The following SLC5A10 variants were observed in gnomAD, a reference collection of about 807,000 sequenced individuals.
The protein encoded by SLC5A10 is sodium/mannose cotransporter SLC5A10.
In SLC5A10, 55 loss-of-function variants were observed where a neutral mutation model predicts 68.9. The ratio of observed to expected loss-of-function variants is 0.80; its 90% CI spans 0.64 to 1.00. SLC5A10 has a LOEUF of 1.00. Ranked by LOEUF, SLC5A10 falls within the 50% of genes least tolerant of loss-of-function variation. The pLI, the probability that SLC5A10 is intolerant of heterozygous loss-of-function variation, is 0.00. For synonymous variants in SLC5A10, 344 were observed against 344.8 expected, an observed-to-expected ratio of 1.00 and a Z score of 0.02; for missense variants, 732 against 819.3, an observed-to-expected ratio of 0.89 and a Z score of 1.30.
rs2044224511 is a variant in SLC5A10 at position 19,019,812 on chromosome 17, CGG to C, written c.1511_1512del (p.Arg504ProfsTer40). 1 of 1,613,256 alleles carries C rather than the reference CGG, an allele frequency of 6.2e-7. No homozygotes were observed. The highest frequency in any genetic ancestry group is 8.5e-7 in the Non-Finnish European group (1 of 1,179,862). On this transcript the variant is annotated frameshift_variant, in exon 13 of 15. Transcript: ENST00000395645. LOFTEE classifies it high-confidence loss of function. Reference sequence around the variant, plus strand: ...CCCACCGTGCGGAGAGCCAGACACGCGGCCAGCCGTCCTGGGGAGCATCCACT... The same window carrying C: ...CCCACCGTGCGGAGAGCCAGACACGCCCAGCCGTCCTGGGGAGCATCCACT... ...PAPPCGEPDT[R>X]PAVLGSIHYL...
intron 9 of SLC5A10, among the ~76,000 whole-genome samples, chr17:18,985,960 A>G (rs1179534035): frequency 6.6e-6 from 1 of 152,242 alleles, no homozygotes; most frequent in Non-Finnish European, 1.5e-5. Flanking sequence ...AACTTTCCTC[A>G]GCACACACAG....
chr17:19,004,180 G>C lies in SLC5A10; in HGVS notation c.983-9230G>C. The C allele has an allele frequency of 1.6e-6, 1 of 617,462 alleles. No individual in the cohort carries two copies. Among genetic ancestry groups the C allele is most frequent in the Non-Finnish European group, 2.4e-6 (1 of 419,628 alleles). 38.2% of individuals were successfully genotyped at this position (617,462 alleles called of 1,614,324 possible). ...CTGCCCATGAGCAATCTGCGGGAAA[G>C]ACCTGATGAGCCCGGCTCGGCGGGG... On this transcript the variant is annotated intron_variant, in intron 9 of 14. Coordinates refer to ENST00000395645, the MANE Select transcript of SLC5A10 (RefSeq NM_001042450.4). This position sits in a 1 kb window ranked among gnomAD's most constrained non-coding sequence, Gnocchi z 5.4.
At chr17:18,998,261 T>A (rs1196364473) in intron 9 of SLC5A10, among the ~76,000 whole-genome samples, 3 of 152,386 alleles carry the variant, frequency 2.0e-5, no homozygotes, top group African/African-American at 4.8e-5. Flanking sequence ...TGCTTTTGGA[T>A]GCTCCTGTCT....
intron 7 of SLC5A10, 81 bp from the exon 8 acceptor site, chr17:18,970,932 T>G: frequency 5.8e-6 from 8 of 1,368,130 alleles, no homozygotes; most frequent in Non-Finnish European, 7.2e-6. Flanking sequence ...AAGTTTCTTG[T>G]GAGATGAAGG....
At chr17:19,019,623 C>T (rs376043863) in intron 12 of SLC5A10, 32 bp downstream of exon 12, 66 of 1,605,966 alleles carry the variant, frequency 4.1e-5, no homozygotes, top group Admixed American at 2.3e-4. Flanking sequence ...TCCCTGGGGA[C>T]GTGCCACAAT....
chr17:19,019,305 G>T, intron 11 of SLC5A10, 118 bp from the exon 12 acceptor site: 2 of 1,280,830 alleles, frequency 1.6e-6, no homozygotes, highest in Non-Finnish European at 2.1e-6. Flanking sequence ...CCAGGGAGGA[G>T]GCTGGAGCTG....
intron 9 of SLC5A10, among the ~76,000 whole-genome samples, chr17:19,002,466 C>T (rs1285877129): frequency 6.6e-6 from 1 of 152,232 alleles, no homozygotes; most frequent in East Asian, 1.9e-4. Flanking sequence ...GGATGGTCCC[C>T]GAAGCCAGCA....
At position 19,020,363 on chromosome 17, in the gene SLC5A10, C is replaced by T. The variant is rs149655640; in HGVS notation, c.1723C>T (p.Arg575Cys). 9 of 1,614,156 alleles carry T rather than the reference C, an allele frequency of 5.6e-6. No individual in the cohort carries two copies. The highest frequency in any genetic ancestry group is 2.2e-5 in the East Asian group (1 of 44,876). Residue 575 changes from arginine to cysteine, a missense_variant, in exon 15 of 15, where the codon CGT becomes TGT. Physicochemically the swap from Arg to Cys is radical, Grantham distance 180. Transcript: ENST00000395645. ...QTPQKHAFWA[R>C]VCGFNAILLM... ...ACCCCAGAAACACGCCTTCTGGGCCCGTGTCTGTGGCTTCAATGCCATCCT... is the reference window on the plus strand; with the variant it reads ...ACCCCAGAAACACGCCTTCTGGGCCTGTGTCTGTGGCTTCAATGCCATCCT...
chr17:18,966,600 A>C (rs2042712934), intron 5 of SLC5A10, among the ~76,000 whole-genome samples: 1 of 151,950 alleles, frequency 6.6e-6, no homozygotes, highest in Non-Finnish European at 1.5e-5. Flanking sequence ...CATGTACAAA[A>C]TTAGCCGGGC....
chr17:18,995,341 C>T (rs759807426), intron 9 of SLC5A10, among the ~76,000 whole-genome samples: 12 of 151,724 alleles, frequency 7.9e-5, no homozygotes, highest in Non-Finnish European at 1.6e-4. Context: ...ACATTTAAGA[C>T]GAAAAATATA....
At position 18,971,647 on chromosome 17, in the gene SLC5A10, C is replaced by T; in HGVS notation, c.846+429C>T. On this transcript the variant is annotated intron_variant, in intron 8 of 14. Transcript: ENST00000395645. The surrounding 1 kb of genome is among the most constrained non-coding windows in gnomAD (Gnocchi z 5.5). Reference sequence around the variant, plus strand: ...CTGGGCCAGCGTTTCTGGTAGAGCTCTGGACGCTGTCAGCAGCAGAGCGGT... The same window carrying T: ...CTGGGCCAGCGTTTCTGGTAGAGCTTTGGACGCTGTCAGCAGCAGAGCGGT... The T allele has an allele frequency of 6.2e-7, 1 of 1,613,418 alleles. No individual in the cohort carries two copies. The highest frequency in any genetic ancestry group is 8.5e-7 in the Non-Finnish European group (1 of 1,179,940).
rs190449833 is a variant in SLC5A10, at chr17:18,981,874, C to T, written c.982+4885C>T. Among the ~76,000 whole-genome samples the T allele has an allele frequency of 1.7e-3, 264 of 152,290 alleles. 1 individual carries two copies. Among genetic ancestry groups the T allele is most frequent in the African/African-American group, 6.0e-3 (251 of 41,564 alleles). ...GTGACTTTGTACCCAACATGGAGCACGCTCGGGGTTGAGAAGTCGGACAAA... is the reference window on the plus strand; with the variant it reads ...GTGACTTTGTACCCAACATGGAGCATGCTCGGGGTTGAGAAGTCGGACAAA... On this transcript the variant is annotated intron_variant, in intron 9 of 14. Transcript: ENST00000395645.
rs1342040634 is a variant in SLC5A10 at position 19,003,984 on chromosome 17, C to T, written c.983-9426C>T. On this transcript the variant is annotated intron_variant, in intron 9 of 14. Transcript: ENST00000395645. This position sits in a 1 kb window ranked among gnomAD's most constrained non-coding sequence, Gnocchi z 4.5. ...CTGTAGAAGAACTCAGGCTTGGACT[C>T]GCTGGAGCGCCAGTTCACATGGTTG... is the stretch of plus-strand genomic sequence containing the variant. The T allele has an allele frequency of 6.2e-7, 1 of 1,612,236 alleles. No homozygotes were observed. The highest frequency in any genetic ancestry group is 2.2e-5 in the East Asian group (1 of 44,856).
rs994987012 is a variant in SLC5A10, at chr17:18,971,522, A to G, written c.846+304A>G. 2 of 1,613,968 alleles carry G rather than the reference A, an allele frequency of 1.2e-6. No homozygotes were observed. Among genetic ancestry groups the G allele is most frequent in the Non-Finnish European group, 1.7e-6 (2 of 1,180,012 alleles). ...CTCCTCGGTGGCCCTGCCATCGGTCATGGGGCGGGCATTTTGGGCCAGTCT... is the reference window on the plus strand; with the variant it reads ...CTCCTCGGTGGCCCTGCCATCGGTCGTGGGGCGGGCATTTTGGGCCAGTCT... On this transcript the variant is annotated intron_variant, in intron 8 of 14. Transcript: ENST00000395645. The surrounding 1 kb of genome is among the most constrained non-coding windows in gnomAD (Gnocchi z 5.5).
chr17:19,022,461 T>C lies in SLC5A10; in HGVS notation c.*2030T>C, dbSNP rs977026037. The C allele has an allele frequency of 3.3e-6, 1 of 305,974 alleles. No individual in the cohort carries two copies. The highest frequency in any genetic ancestry group is 2.1e-5 in the African/African-American group (1 of 46,642). 19.0% of individuals were successfully genotyped at this position (305,974 alleles called of 1,614,324 possible). On this transcript the variant is annotated 3_prime_UTR_variant, in exon 15 of 15. Transcript: ENST00000395645. ...GTGGGATTTTGGTTAGGTCCCTGCTTCTCTTGGGATCTTATTTACCCGACT... is the reference window on the plus strand; with the variant it reads ...GTGGGATTTTGGTTAGGTCCCTGCTCCTCTTGGGATCTTATTTACCCGACT...
chr17:19,017,774 C>T lies in SLC5A10; in HGVS notation c.1242-1649C>T, dbSNP rs746782147. The T allele has an allele frequency of 9.5e-5, 18 of 189,684 alleles. No homozygotes were observed. Among genetic ancestry groups the T allele is most frequent in the Non-Finnish European group, 1.9e-4 (17 of 91,292 alleles). The allele number at this position is 189,684 out of a possible 1,614,324, so 11.8% of individuals were successfully genotyped here. On this transcript the variant is annotated intron_variant, in intron 11 of 14. Transcript: ENST00000395645. The surrounding 1 kb of genome is among the most constrained non-coding windows in gnomAD (Gnocchi z 5.6). ...AGACACCCCTCCTTGAGATGTTCCA[C>T]AGTAACTGTGGCTGCAGCCCAGGGA... is the stretch of plus-strand genomic sequence containing the variant.
chr17:18,984,432 C>T (rs1486014379), intron 9 of SLC5A10, among the ~76,000 whole-genome samples: 5 of 152,268 alleles, frequency 3.3e-5, no homozygotes, highest in Admixed American at 2.0e-4. Context: ...CAGGCATCCC[C>T]GGGGAACGGG....
rs537321209 is a variant in SLC5A10, at chr17:18,962,800, G to A, written c.453+2148G>A. Among the ~76,000 whole-genome samples the A allele has an allele frequency of 1.6e-4, 24 of 152,284 alleles. 1 individual carries two copies. The highest frequency in any genetic ancestry group is 2.4e-4 in the Non-Finnish European group (16 of 68,018). ...GGCCCCAGGTAGGTCTGGTGAGGGAGGGAGACTGAGCCATGGGCACAGGGT... is the reference window on the plus strand; with the variant it reads ...GGCCCCAGGTAGGTCTGGTGAGGGAAGGAGACTGAGCCATGGGCACAGGGT... On this transcript the variant is annotated intron_variant, in intron 5 of 14. Coordinates refer to ENST00000395645, the MANE Select transcript of SLC5A10 (RefSeq NM_001042450.4).
intron 9 of SLC5A10, among the ~76,000 whole-genome samples, chr17:19,012,302 T>A (rs1277533987): frequency 6.6e-6 from 1 of 152,236 alleles, no homozygotes; most frequent in Non-Finnish European, 1.5e-5. Context: ...AGGCCGGGGT[T>A]CTGCCCCCAC....
Sources: allele counts gnomAD v4.1 joint callset (sites outside exome capture counted in the v4.1 genomes callset), GRCh38; gene constraint gnomAD v4.1.1; non-coding constraint Gnocchi (gnomAD v3.1); transcripts MANE v1.5; gene names NCBI Gene and HGNC (gene_info 2026-07-23, HGNC 2026-07-21).